The following MAP3K21 variants were observed in gnomAD, a reference collection of about 807,000 sequenced individuals.
MAP3K21 encodes mitogen-activated protein kinase kinase kinase MLK4.
Under a neutral mutation model 86.1 loss-of-function variants are expected in MAP3K21, and 63 were observed. The ratio of observed to expected loss-of-function variants is 0.73; its 90% CI spans 0.60 to 0.90. The LOEUF is 0.90. Ranked by LOEUF, MAP3K21 falls within the 40% of genes least tolerant of loss-of-function variation. The pLI is 0.00. For synonymous variants in MAP3K21, 558 were observed against 564.8 expected (o/e 0.99, Z 0.17); for missense variants, 1,220 against 1,367.7 (o/e 0.89, Z 1.70).
At chr1:233,330,548 G>A (rs932250018) in intron 1 of MAP3K21, among the ~76,000 whole-genome samples, 8 of 152,104 alleles carry the variant, frequency 5.3e-5, no homozygotes, top group African/African-American at 9.7e-5. Flanking sequence ...GAAAGCCTGC[G>A]TCTGTTAGGA....
At chr1:233,356,169 C>G (rs1663348876) in intron 4 of MAP3K21, among the ~76,000 whole-genome samples, 1 of 152,198 alleles carries the variant, frequency 6.6e-6, no homozygotes, top group Non-Finnish European at 1.5e-5. Flanking sequence ...CTCCCCTACT[C>G]TACTCCATCG....
In MAP3K21 at chr1:233,368,471, T is replaced by C. The variant is rs557156782; in HGVS notation, c.1553-3567T>C. Among the ~76,000 whole-genome samples, 18 of 152,046 alleles carry C rather than the reference T, an allele frequency of 1.2e-4. No individual in the cohort carries two copies. In the South Asian group the frequency reaches 3.3e-3, roughly 28 times the overall value. On this transcript the variant is annotated intron_variant, in intron 5 of 9. Coordinates refer to ENST00000366624, the MANE Select transcript of MAP3K21 (RefSeq NM_032435.3). ...GAGTTCAAGACCAGCCTGGGCAACA[T>C]GGTGAAACCCCATTTCTACAAAAAT...
At position 233,376,544 on chromosome 1, in the gene MAP3K21, A is replaced by C. The variant is rs773364552; in HGVS notation, c.1924+17A>C. On this transcript the variant is annotated intron_variant, in intron 8 of 9. Coordinates refer to ENST00000366624, the MANE Select transcript of MAP3K21 (RefSeq NM_032435.3). ...ACCAGCCAGGTAAATGTGTTTCAGG[A>C]GGTAGGATTTGCTTGAGCAGTCCTT... 6.3e-7 allele frequency: 1 copy of C among 1,581,224 alleles called. No individual in the cohort carries two copies. Among genetic ancestry groups the C allele is most frequent in the Admixed American group, 1.7e-5 (1 of 58,782 alleles).
chr1:233,328,078 C>T lies in MAP3K21; in HGVS notation c.50C>T (p.Ala17Val), dbSNP rs2102754424. ...AGATDTPVSS[A>V]GGAPGGSASS... is the part of the protein sequence containing the mutation. ...GCGACCGACACCCCGGTGTCCTCGG[C>T]CGGGGGAGCCCCCGGCGGCTCAGCG... Residue 17 changes from alanine (A) to valine (V), a missense_variant, in exon 1 of 10, where the codon GCC becomes GTC. By Grantham distance (64) the Ala-to-Val change is moderately conservative (BLOSUM62 0). Transcript: ENST00000366624. The surrounding 1 kb of genome is among the most constrained non-coding windows in gnomAD (Gnocchi z 8.7). 2.2e-6 allele frequency: 3 copies of T among 1,354,724 alleles called. No individual in the cohort carries two copies. The highest frequency in any genetic ancestry group is 2.8e-6 in the Non-Finnish European group (3 of 1,060,826). 83.9% of individuals were successfully genotyped at this position (1,354,724 alleles called of 1,614,324 possible). A position where few individuals can be genotyped will look rare whatever the true frequency, so the allele number is the denominator to read the frequency against.
intron 8 of MAP3K21, among the ~76,000 whole-genome samples, chr1:233,377,015 C>T (rs949484014): frequency 6.6e-6 from 1 of 151,972 alleles, no homozygotes; most frequent in Non-Finnish European, 1.5e-5. Flanking sequence ...GAATCACTTG[C>T]ACCTGGGAGC....
intron 4 of MAP3K21, among the ~76,000 whole-genome samples, chr1:233,360,033 T>C (rs1197957674): frequency 6.6e-6 from 1 of 152,272 alleles, no homozygotes; most frequent in African/African-American, 2.4e-5. Context: ...TAAAAATGTT[T>C]TTTTATTCAA....
chr1:233,346,486 A>G lies in MAP3K21; in HGVS notation c.850A>G (p.Thr284Ala). 6.2e-7 allele frequency: 1 copy of G among 1,613,826 alleles called. No individual in the cohort carries two copies. Among genetic ancestry groups the G allele is most frequent in the Non-Finnish European group, 8.5e-7 (1 of 1,179,802 alleles). Residue 284 changes from threonine to alanine, a missense_variant, in exon 2 of 10, where the codon ACT (threonine) becomes GCT (alanine). Transcript: ENST00000366624. ...AGAACATGATGACATCTGCAATAAAACTTTGAAGATTACAGATTTTGGGTT... is the reference window on the plus strand; with the variant it reads ...AGAACATGATGACATCTGCAATAAAGCTTTGAAGATTACAGATTTTGGGTT... The part of the protein sequence containing the change: ...KIEHDDICNK[T>A]LKITDFGLAR...
chr1:233,332,824 C>T (rs1662835095), intron 1 of MAP3K21, among the ~76,000 whole-genome samples: 1 of 128,318 alleles, frequency 7.8e-6, no homozygotes. Flanking sequence ...TTTGATGTTG[C>T]TTATTGTGTT....
intron 4 of MAP3K21, among the ~76,000 whole-genome samples, chr1:233,357,276 G>A (rs1180467423): frequency 6.6e-6 from 1 of 152,064 alleles, no homozygotes; most frequent in East Asian, 1.9e-4. Flanking sequence ...AGGAGGGAGG[G>A]ATAGCATTAG....
intron 5 of MAP3K21, among the ~76,000 whole-genome samples, chr1:233,362,865 G>C (rs560285888): frequency 1.3e-5 from 2 of 151,688 alleles, no homozygotes; most frequent in African/African-American, 4.8e-5. Flanking sequence ...CAACATACAA[G>C]GATTACTAAA....
At chr1:233,364,847 T>C (rs547457239) in intron 5 of MAP3K21, among the ~76,000 whole-genome samples, 1 of 152,262 alleles carries the variant, frequency 6.6e-6, no homozygotes, top group African/African-American at 2.4e-5. Flanking sequence ...GAATGAAATT[T>C]GGTTTCTGGA....
chr1:233,334,019 C>T (rs183768565), intron 1 of MAP3K21, among the ~76,000 whole-genome samples: 5 of 152,250 alleles, frequency 3.3e-5, no homozygotes, highest in South Asian at 2.1e-4. Context: ...CCCGCCACCA[C>T]GCCCAGCTAA....
At chr1:233,352,254 A>G (rs1431816825) in intron 2 of MAP3K21, among the ~76,000 whole-genome samples, 1 of 152,112 alleles carries the variant, frequency 6.6e-6, no homozygotes, top group Non-Finnish European at 1.5e-5. Context: ...CAATACATAC[A>G]ATGTGTGGTG....
At chr1:233,344,992 T>C (rs558651823) in intron 1 of MAP3K21, among the ~76,000 whole-genome samples, 1,907 of 151,870 alleles carry the variant, frequency 0.013, 48 homozygotes, top group African/African-American at 0.043. Context: ...TGCTTATCAC[T>C]ACTGGTCATC....
chr1:233,343,957 A>C (rs573612776), intron 1 of MAP3K21, among the ~76,000 whole-genome samples: 1 of 152,250 alleles, frequency 6.6e-6, no homozygotes, highest in South Asian at 2.1e-4. Flanking sequence ...GCTAGAGGAG[A>C]GGGTGGCAGC....
At chr1:233,376,840 C>G (rs1041046520) in intron 8 of MAP3K21, among the ~76,000 whole-genome samples, 2 of 151,874 alleles carry the variant, frequency 1.3e-5, no homozygotes, top group Non-Finnish European at 2.9e-5. Context: ...AAATATAGAC[C>G]CCCCTGAAAG....
rs1036941506 is a variant in MAP3K21, at chr1:233,385,023, C to T, written c.*2312C>T. 2 of 152,198 alleles carry T rather than the reference C, an allele frequency of 1.3e-5. No individual in the cohort carries two copies. Among genetic ancestry groups the T allele is most frequent in the East Asian group, 3.8e-4 (2 of 5,198 alleles). 9.4% of individuals were successfully genotyped at this position (152,198 alleles called of 1,614,324 possible). On this transcript the variant is annotated 3_prime_UTR_variant, in exon 10 of 10. Transcript: ENST00000366624. ...ACTGTTAGTAAAAAATTAAGGTACT[C>T]TCACTGCAGAGATTTAAGGCCTGGG...
chr1:233,381,998 G>A (rs1012425289), intron 9 of MAP3K21, among the ~76,000 whole-genome samples: 4 of 152,086 alleles, frequency 2.6e-5, no homozygotes, highest in Admixed American at 1.3e-4. Flanking sequence ...ATTTAGCTCT[G>A]TTTACAAATA....
Position 233,328,648 on chromosome 1 carries a change from C to T in MAP3K21, c.620C>T (p.Ala207Val). Residue 207 changes from alanine (A) to valine (V), a missense_variant, in exon 1 of 10, where the codon GCG becomes GTG. Coordinates refer to ENST00000366624, the MANE Select transcript of MAP3K21 (RefSeq NM_032435.3). This position sits in a 1 kb window ranked among gnomAD's most constrained non-coding sequence, Gnocchi z 8.7. ...GTGCTGGAGTTCGCCCGCGGCGGAG[C>T]GCTCAACCGAGCGCTGGCCGCTGCC... is the stretch of plus-strand genomic sequence containing the variant. Reference protein sequence around the residue: ...CLVLEFARGGALNRALAAANA... With the variant: ...CLVLEFARGGVLNRALAAANA... The T allele has an allele frequency of 7.1e-7, 1 of 1,409,474 alleles. No homozygotes were observed. Among genetic ancestry groups the T allele is most frequent in the Non-Finnish European group, 9.2e-7 (1 of 1,082,268 alleles). 87.3% of individuals were successfully genotyped at this position (1,409,474 alleles called of 1,614,324 possible).
Sources: gnomAD v4.1 joint callset for allele counts (sites outside exome capture counted in the v4.1 genomes callset) on GRCh38, gnomAD v4.1.1 for gene constraint, Gnocchi (gnomAD v3.1) non-coding constraint, MANE v1.5 for transcripts, NCBI Gene and HGNC (gene_info 2026-07-23, HGNC 2026-07-21) for gene names.